Variants in ATP6V0D2 observed in about 807,000 individuals in gnomAD.
The protein encoded by ATP6V0D2 is ATPase H+ transporting V0 subunit d2.
In ATP6V0D2, 40 loss-of-function variants were observed where a neutral mutation model predicts 40.0. The ratio of observed to expected loss-of-function variants is 1.00; its 90% CI spans 0.78 to 1.30. The LOEUF (loss-of-function observed/expected upper bound fraction) is 1.30, where lower values mean the gene tolerates loss of function less well. Among genes scored for constraint, ATP6V0D2 ranks in the 50% most tolerant of loss-of-function variants. The pLI is 0.00. For synonymous variants in ATP6V0D2, 179 were observed against 156.3 expected (o/e 1.15, Z -1.08); for missense variants, 470 against 423.1 (o/e 1.11, Z -0.97).
At chr8:86,135,169 G>A (rs912655338) in intron 2 of ATP6V0D2, among the ~76,000 whole-genome samples, 1 of 152,086 alleles carries the variant, frequency 6.6e-6, no homozygotes, top group Non-Finnish European at 1.5e-5. Flanking sequence ...TCATTTCTCA[G>A]CTATTGCTAA....
chr8:86,109,335 A>G (rs1157867683), intron 1 of ATP6V0D2, among the ~76,000 whole-genome samples: 3 of 152,204 alleles, frequency 2.0e-5, no homozygotes, highest in Non-Finnish European at 2.9e-5. Flanking sequence ...TGAAAAGTAT[A>G]AAACTATGAG....
chr8:86,151,755 C>CTTTTTTTTTTT (rs564476016), intron 7 of ATP6V0D2, among the ~76,000 whole-genome samples: 2 of 85,518 alleles, frequency 2.3e-5, no homozygotes, highest in African/African-American at 3.2e-5. Flanking sequence ...GCTTTTCTTT[C>CTTTTTTTTTTT]TTTTTTTTTT....
intron 2 of ATP6V0D2, among the ~76,000 whole-genome samples, chr8:86,133,316 C>CTTTTTTTTT (rs1242479597): frequency 5.2e-5 from 4 of 77,296 alleles, no homozygotes; most frequent in Non-Finnish European, 7.0e-5. Context: ...AACAGAAAGT[C>CTTTTTTTTT]TTTTTTTTTT....
At chr8:86,133,039 C>T (rs182529317) in intron 2 of ATP6V0D2, among the ~76,000 whole-genome samples, 9 of 152,206 alleles carry the variant, frequency 5.9e-5, no homozygotes, top group African/African-American at 1.9e-4. Context: ...GGGTAAGATG[C>T]TATCTTATTG....
chr8:86,136,600 G>A (rs896104193), intron 2 of ATP6V0D2, among the ~76,000 whole-genome samples: 1 of 152,122 alleles, frequency 6.6e-6, no homozygotes, highest in Non-Finnish European at 1.5e-5. Flanking sequence ...CTGCTGTTCA[G>A]GAGGTGAAGA....
intron 2 of ATP6V0D2, among the ~76,000 whole-genome samples, chr8:86,136,705 C>T (rs1000305178): frequency 1.3e-5 from 2 of 152,124 alleles, no homozygotes; most frequent in African/African-American, 4.8e-5. Context: ...AGAAGTTCCA[C>T]AATGAAGGAG....
intron 2 of ATP6V0D2, among the ~76,000 whole-genome samples, chr8:86,129,223 A>G (rs1416982134): frequency 6.6e-6 from 1 of 152,246 alleles, no homozygotes; most frequent in Non-Finnish European, 1.5e-5. Context: ...CTGGGCTTAA[A>G]TCAGGTTTAT....
At chr8:86,107,775 C>T (rs1818486277) in intron 1 of ATP6V0D2, among the ~76,000 whole-genome samples, 1 of 152,002 alleles carries the variant, frequency 6.6e-6, no homozygotes, top group South Asian at 2.1e-4. Context: ...AATCGAAGTG[C>T]CAGATGTTAT....
chr8:86,099,239 A>T (rs1818360936), intron 1 of ATP6V0D2, 131 bp downstream of exon 1: 2 of 988,444 alleles, frequency 2.0e-6, no homozygotes, highest in African/African-American at 1.7e-5. Flanking sequence ...TTATTCCTGC[A>T]GTCCAGATTT....
chr8:86,149,052 G>GAAAAAAAAAAAAAAAAAAAA (rs1166858589), intron 5 of ATP6V0D2, among the ~76,000 whole-genome samples: 2 of 69,000 alleles, frequency 2.9e-5, no homozygotes, highest in Non-Finnish European at 2.5e-5. Context: ...ATCTCCAAAG[G>GAAAAAAAAAAAAAAAAAAAA]AAGAAAAAAA....
At position 86,136,763 on chromosome 8, in the gene ATP6V0D2, C is replaced by A. The variant is rs530373589; in HGVS notation, c.303-2694C>A. ...GAATTCCCTGCCCAGGAAGTCTGTA[C>A]CCCATGCAGCCAGACTCTGGTGACA... On this transcript the variant is annotated intron_variant, in intron 2 of 7. Transcript: ENST00000285393. 7.5e-4 allele frequency among the ~76,000 whole-genome samples: 114 copies of A among 152,178 alleles called. 1 individual carries two copies. Among genetic ancestry groups the A allele is most frequent in the African/African-American group, 2.3e-3 (95 of 41,504 alleles).
intron 1 of ATP6V0D2, among the ~76,000 whole-genome samples, chr8:86,109,941 C>T (rs1818510565): frequency 6.6e-6 from 1 of 152,138 alleles, no homozygotes; most frequent in Non-Finnish European, 1.5e-5. Flanking sequence ...TTCCTGTTAT[C>T]TCAGGATAAA....
chr8:86,125,390 T>G (rs905357254), intron 2 of ATP6V0D2, among the ~76,000 whole-genome samples: 2 of 152,210 alleles, frequency 1.3e-5, no homozygotes, highest in Admixed American at 1.3e-4. Flanking sequence ...GGATGGAGAC[T>G]GAAATCCACA....
chr8:86,127,556 T>A (rs2130256025), intron 2 of ATP6V0D2, among the ~76,000 whole-genome samples: 1 of 151,994 alleles, frequency 6.6e-6, no homozygotes, highest in South Asian at 2.1e-4. Context: ...CCTGAGTAGC[T>A]GGAACTACAA....
At chr8:86,121,318 C>T (rs1293560940) in intron 2 of ATP6V0D2, among the ~76,000 whole-genome samples, 1 of 152,116 alleles carries the variant, frequency 6.6e-6, no homozygotes, top group Non-Finnish European at 1.5e-5. Flanking sequence ...GCCTGTAATC[C>T]CAGTACTTTG....
rs751250211 is a variant in ATP6V0D2 at position 86,150,166 on chromosome 8, T to C, written c.694T>C (p.Leu232=). Residue 232 remains leucine (L), a synonymous_variant, in exon 6 of 8, where the codon TTG becomes CTG. Coordinates refer to ENST00000285393, the MANE Select transcript of ATP6V0D2 (RefSeq NM_152565.1). ...IITLNSFGTE[L]SKEDRETLYP... ...CACTCTTAACTCCTTTGGCACTGAA[T>C]TGAGCAAAGAAGACCGAGAGACCCT... 2.7e-5 allele frequency: 43 copies of C among 1,613,484 alleles called. No individual in the cohort carries two copies. The highest frequency in any genetic ancestry group is 3.3e-4 in the Middle Eastern group (2 of 6,078).
chr8:86,141,627 G>T, intron 4 of ATP6V0D2, 98 bp downstream of exon 4: 1 of 811,322 alleles, frequency 1.2e-6, no homozygotes, highest in Admixed American at 2.9e-5. Context: ...ACCAACTTCT[G>T]CAATTATGAA....
intron 1 of ATP6V0D2, among the ~76,000 whole-genome samples, chr8:86,111,390 C>T (rs1356500650): frequency 6.6e-6 from 1 of 152,068 alleles, no homozygotes; most frequent in East Asian, 1.9e-4. Flanking sequence ...TTACTCTCTA[C>T]TTCTGAGTTA....
At chr8:86,099,138 A>C in intron 1 of ATP6V0D2, 30 bp downstream of exon 1, 11 of 1,535,004 alleles carry the variant, frequency 7.2e-6, no homozygotes, top group Non-Finnish European at 9.6e-6. Flanking sequence ...CCCTTTAAAA[A>C]GAAAAAAAAA....
Sources: gnomAD v4.1 joint callset for allele counts (sites outside exome capture counted in the v4.1 genomes callset) on GRCh38, gnomAD v4.1.1 for gene constraint, MANE v1.5 for transcripts, NCBI Gene and HGNC (gene_info 2026-07-23, HGNC 2026-07-21) for gene names.